The following DUSP16 variants were observed in gnomAD, a reference collection of about 807,000 sequenced individuals.
DUSP16 encodes dual specificity protein phosphatase 16.
In DUSP16, 21 loss-of-function variants were observed where a neutral mutation model predicts 58.3. That is an observed-to-expected ratio of 0.36 (90% CI 0.26 to 0.52). The LOEUF is 0.52. DUSP16 is among the 20% of genes least tolerant of loss of function. DUSP16 has a pLI of 0.94. For synonymous variants in DUSP16, 320 were observed against 323.8 expected, an observed-to-expected ratio of 0.99 and a Z score of 0.12; for missense variants, 726 against 819.0, an observed-to-expected ratio of 0.89 and a Z score of 1.39.
chr12:12,483,566 C>T (rs1383796804), intron 5 of DUSP16, among the ~76,000 whole-genome samples: 1 of 152,124 alleles, frequency 6.6e-6, no homozygotes, highest in Non-Finnish European at 1.5e-5. Context: ...CAAATACAGA[C>T]AGTTTGCCTC....
chr12:12,528,365 C>A (rs977288723), intron 1 of DUSP16, among the ~76,000 whole-genome samples: 2 of 152,128 alleles, frequency 1.3e-5, no homozygotes, highest in East Asian at 3.9e-4. Flanking sequence ...ATGGAAGGAT[C>A]CCTGGATGAA....
At position 12,481,970 on chromosome 12, in the gene DUSP16, A is replaced by T. The variant is rs1208106185; in HGVS notation, c.692-1624T>A. On this transcript the variant is annotated intron_variant, in intron 5 of 6. Transcript: ENST00000298573. ...TTTTGTCAGTTACTGTACATTTCCT[A>T]GCCCCTATTACTTGATTATTGCTCC... 3.9e-5 allele frequency among the ~76,000 whole-genome samples: 6 copies of T among 152,308 alleles called. No individual in the cohort carries two copies. The South Asian group carries it at 1.2e-3, about 32-fold the overall frequency.
rs147195412 is a variant in DUSP16, at chr12:12,529,336, C to T, written c.-365-7873G>A. Among the ~76,000 whole-genome samples the T allele has an allele frequency of 2.2e-3, 335 of 152,306 alleles. 3 individuals are homozygous for T. The highest frequency in any genetic ancestry group is 7.7e-3 in the African/African-American group (322 of 41,576). On this transcript the variant is annotated intron_variant, in intron 1 of 6. Transcript: ENST00000298573. ...TGTTGCTTAGTCTGGTCTCAAACTCCTGGGCTCAAACAATTCTCATACATT... is the reference window on the plus strand; with the variant it reads ...TGTTGCTTAGTCTGGTCTCAAACTCTTGGGCTCAAACAATTCTCATACATT...
intron 1 of DUSP16, among the ~76,000 whole-genome samples, chr12:12,522,920 T>G (rs16908204): frequency 0.065 from 9,828 of 152,254 alleles, 465 homozygotes; most frequent in East Asian, 0.21. Context: ...CTACAGTACT[T>G]TGGACATAAC....
intron 1 of DUSP16, among the ~76,000 whole-genome samples, chr12:12,534,559 T>G (rs1156659137): frequency 6.6e-6 from 1 of 152,258 alleles, no homozygotes; most frequent in Non-Finnish European, 1.5e-5. Context: ...CTTTTGTCCT[T>G]AGAGGCTTTG....
intron 5 of DUSP16, among the ~76,000 whole-genome samples, chr12:12,483,888 T>C (rs1202812496): frequency 2.6e-5 from 4 of 151,986 alleles, no homozygotes; most frequent in African/African-American, 9.7e-5. Flanking sequence ...TGTAAGTCAT[T>C]AAGGGGGTAC....
intron 6 of DUSP16, among the ~76,000 whole-genome samples, chr12:12,479,278 G>GGA (rs1555162623): frequency 1.3e-5 from 2 of 150,046 alleles, no homozygotes; most frequent in African/African-American, 4.9e-5. Context: ...AAGGAACAAG[G>GGA]AAAAAAAAAA....
rs1944924805 is a variant in DUSP16 at position 12,562,600 on chromosome 12, T to A, written c.-849A>T. Among the ~76,000 whole-genome samples, 1 of 150,204 alleles carries A rather than the reference T, an allele frequency of 6.7e-6. No individual in the cohort carries two copies. The highest frequency in any genetic ancestry group is 2.0e-4 in the East Asian group (1 of 5,050). On this transcript the variant is annotated 5_prime_UTR_variant, in exon 1 of 7. Coordinates refer to ENST00000298573, the MANE Select transcript of DUSP16 (RefSeq NM_030640.3). ...GGGGGGTTGGGGGAAAGAGAAAGAG[T>A]CGCTGGTCAGGAAACTTCAAGCGCG...
chr12:12,493,340 T>C (rs1943787106), intron 4 of DUSP16, among the ~76,000 whole-genome samples: 1 of 152,154 alleles, frequency 6.6e-6, no homozygotes, highest in Admixed American at 6.5e-5. Flanking sequence ...AATCTCACCA[T>C]TACTGCCACC....
At chr12:12,505,028 G>A (rs1348580093) in intron 3 of DUSP16, among the ~76,000 whole-genome samples, 1 of 152,098 alleles carries the variant, frequency 6.6e-6, no homozygotes, top group Non-Finnish European at 1.5e-5. Flanking sequence ...AGAATGTACT[G>A]AACACTTACT....
At position 12,521,353 on chromosome 12, in the gene DUSP16, G is replaced by A. The variant is rs1944234378; in HGVS notation, c.-255C>T. ...GCCCCTCACATTTGATTCATAAAGA[G>A]ATGACTGGAATAACCATTCCACAAC... On this transcript the variant is annotated 5_prime_UTR_variant, in exon 2 of 7. Transcript: ENST00000298573. 2.2e-6 allele frequency: 3 copies of A among 1,366,032 alleles called. No homozygotes were observed. Among genetic ancestry groups the A allele is most frequent in the Non-Finnish European group, 2.8e-6 (3 of 1,057,358 alleles). The allele number at this position is 1,366,032 out of a possible 1,614,324, so 84.6% of individuals were successfully genotyped here.
At chr12:12,482,925 C>G (rs568875253) in intron 5 of DUSP16, among the ~76,000 whole-genome samples, 19 of 152,234 alleles carry the variant, frequency 1.2e-4, no homozygotes, top group Non-Finnish European at 2.5e-4. Context: ...GTTGACTAGG[C>G]TGGTGTCAAA....
chr12:12,482,330 G>A (rs912932058), intron 5 of DUSP16, among the ~76,000 whole-genome samples: 2 of 152,126 alleles, frequency 1.3e-5, no homozygotes, highest in Non-Finnish European at 2.9e-5. Context: ...AGTAACATGC[G>A]TTACGATGTT....
At chr12:12,479,202 C>G (rs1943515812) in intron 6 of DUSP16, among the ~76,000 whole-genome samples, 2 of 152,052 alleles carry the variant, frequency 1.3e-5, no homozygotes, top group Admixed American at 6.6e-5. Context: ...TCAGCGGCCC[C>G]TGCACCTCAT....
In DUSP16 at chr12:12,484,933, C is replaced by T. The variant is rs988555786; in HGVS notation, c.691+2095G>A. 4.7e-5 allele frequency among the ~76,000 whole-genome samples: 7 copies of T among 149,712 alleles called. No individual in the cohort carries two copies. The East Asian group carries it at 1.4e-3, about 30-fold the overall frequency. On this transcript the variant is annotated intron_variant, in intron 5 of 6. Transcript: ENST00000298573. ...AGCCAATTGTTATTTTTTAAAGAGACAAAAACAATGATTTGCTGAATGTTT... is the reference window on the plus strand; with the variant it reads ...AGCCAATTGTTATTTTTTAAAGAGATAAAAACAATGATTTGCTGAATGTTT...
chr12:12,508,821 C>T (rs1050848076), intron 3 of DUSP16, among the ~76,000 whole-genome samples: 1 of 152,132 alleles, frequency 6.6e-6, no homozygotes, highest in Non-Finnish European at 1.5e-5. Flanking sequence ...ATGACATACA[C>T]AACAGTTATG....
chr12:12,491,250 C>T (rs974001614), intron 4 of DUSP16: 7 of 151,580 alleles, frequency 4.6e-5, no homozygotes, highest in African/African-American at 1.7e-4. Context: ...AGGGTCCCAC[C>T]ATGTTGTCCA....
At position 12,520,948 on chromosome 12, in the gene DUSP16, A is replaced by T; in HGVS notation, c.151T>A (p.Ser51Thr). The change falls in exon 2 of 7, where the codon TCC becomes ACC. Residue 51 changes from serine to threonine, a missense_variant. Coordinates refer to ENST00000298573, the MANE Select transcript of DUSP16 (RefSeq NM_030640.3). ...TGCAACCTTCGCTTCATAAGCTTGG[A>T]GCAGTTGATATTAATGGCTTCCAAA... ...HILEAININCSKLMKRRLQQD... is the reference protein window; with the variant it reads ...HILEAININCTKLMKRRLQQD... The T allele has an allele frequency of 1.2e-6, 2 of 1,614,200 alleles. No individual in the cohort carries two copies. The highest frequency in any genetic ancestry group is 2.2e-5 in the East Asian group (1 of 44,884).
At chr12:12,558,986 T>A (rs1343842874) in intron 1 of DUSP16, among the ~76,000 whole-genome samples, 2 of 152,238 alleles carry the variant, frequency 1.3e-5, no homozygotes, top group Non-Finnish European at 2.9e-5. Context: ...TCTAACTCCC[T>A]GTCTCAATCC....
Sources: gnomAD v4.1 joint callset for allele counts (sites outside exome capture counted in the v4.1 genomes callset) on GRCh38, gnomAD v4.1.1 for gene constraint, MANE v1.5 for transcripts, NCBI Gene and HGNC (gene_info 2026-07-23, HGNC 2026-07-21) for gene names.